The following PXDC1 variants were observed in gnomAD, a reference collection of about 807,000 sequenced individuals.
PXDC1 encodes the protein PX domain containing 1.
Under a neutral mutation model 24.4 loss-of-function variants are expected in PXDC1, and 13 were observed. The ratio of observed to expected loss-of-function variants is 0.53; its 90% CI spans 0.35 to 0.85. The LOEUF (loss-of-function observed/expected upper bound fraction) is 0.85, where lower values mean the gene tolerates loss of function less well. PXDC1 is among the 40% of genes least tolerant of loss of function. The probability of loss-of-function intolerance (pLI) is 0.01; values close to 1 mark genes in which losing one functional copy is unlikely to be tolerated. For missense variants in PXDC1, 344 were observed against 309.3 expected, an observed-to-expected ratio of 1.11 and a Z score of -0.84; for synonymous variants, 162 against 124.9, an observed-to-expected ratio of 1.30 and a Z score of -1.98.
chr6:3,751,603 C>G lies in PXDC1; in HGVS notation c.-72G>C. On this transcript the variant is annotated 5_prime_UTR_variant, in exon 1 of 5. Coordinates refer to ENST00000380283, the MANE Select transcript of PXDC1 (RefSeq NM_183373.4). ...CCGCCCGCAGGAGGCGCGCCCCGGCCGGGGTCGTCCCGGGTCTGTCCGTGG... is the reference window on the plus strand; with the variant it reads ...CCGCCCGCAGGAGGCGCGCCCCGGCGGGGGTCGTCCCGGGTCTGTCCGTGG... 2 of 1,420,498 alleles carry G rather than the reference C, an allele frequency of 1.4e-6. No homozygotes were observed. The highest frequency in any genetic ancestry group is 1.8e-6 in the Non-Finnish European group (2 of 1,093,440). 88.0% of individuals were successfully genotyped at this position (1,420,498 alleles called of 1,614,324 possible).
intron 3 of PXDC1, among the ~76,000 whole-genome samples, chr6:3,736,773 T>C (rs1760326227): frequency 6.6e-6 from 1 of 152,242 alleles, no homozygotes; most frequent in African/African-American, 2.4e-5. Flanking sequence ...GGCTGAACAG[T>C]GGATTCCAAT....
chr6:3,723,814 T>C, intron 4 of PXDC1, 78 bp from the exon 5 acceptor site: 1 of 1,065,802 alleles, frequency 9.4e-7, no homozygotes, highest in South Asian at 1.3e-5. Flanking sequence ...ACCATGAGCA[T>C]GACTTTCAAT....
intron 1 of PXDC1, among the ~76,000 whole-genome samples, chr6:3,738,585 C>T (rs1280867762): frequency 1.3e-5 from 2 of 152,194 alleles, no homozygotes; most frequent in Admixed American, 1.3e-4. Context: ...GCCACGGCTG[C>T]TCAGATCGCA....
chr6:3,744,288 T>C (rs1019028920), intron 1 of PXDC1, among the ~76,000 whole-genome samples: 1 of 152,178 alleles, frequency 6.6e-6, no homozygotes, highest in Admixed American at 6.5e-5. Context: ...AAAGCACCCA[T>C]GGCTCCTCCT....
At chr6:3,749,245 C>A (rs528510853) in intron 1 of PXDC1, among the ~76,000 whole-genome samples, 1 of 151,166 alleles carries the variant, frequency 6.6e-6, no homozygotes, top group East Asian at 2.0e-4. Context: ...GCAGCTCCAA[C>A]AGTTCCACGG....
In PXDC1 at chr6:3,723,073, G is replaced by T; in HGVS notation, c.*546C>A. On this transcript the variant is annotated 3_prime_UTR_variant, in exon 5 of 5. Coordinates refer to ENST00000380283, the MANE Select transcript of PXDC1 (RefSeq NM_183373.4). Reference sequence around the variant, plus strand: ...ACCCAAACCCAGTTTCCAGATAAAAGATAAAAAGAAAAAAAAAAAGGCCAC... The same window carrying T: ...ACCCAAACCCAGTTTCCAGATAAAATATAAAAAGAAAAAAAAAAAGGCCAC... 1 of 148,830 alleles carries T rather than the reference G, an allele frequency of 6.7e-6. No individual in the cohort carries two copies. The highest frequency in any genetic ancestry group is 1.5e-5 in the Non-Finnish European group (1 of 67,476). The allele number at this position is 148,830 out of a possible 1,614,324, so 9.2% of individuals were successfully genotyped here.
At position 3,728,776 on chromosome 6, in the gene PXDC1, G is replaced by A. The variant is rs756295178; in HGVS notation, c.467-1114C>T. Among the ~76,000 whole-genome samples, 43 of 152,260 alleles carry A rather than the reference G, an allele frequency of 2.8e-4. No homozygotes were observed. Among genetic ancestry groups the A allele is most frequent in the Non-Finnish European group, 5.0e-4 (34 of 68,018 alleles). On this transcript the variant is annotated intron_variant, in intron 3 of 4. Transcript: ENST00000380283. The surrounding 1 kb of genome is among the most constrained non-coding windows in gnomAD (Gnocchi z 4.0). ...CTAGGTATAAAAAGCTGCAGCGTTC[G>A]TTTGTATTTTCTGAGGGACCGCGTT...
intron 1 of PXDC1, chr6:3,739,071 T>G: frequency 8.5e-7 from 1 of 1,182,024 alleles, no homozygotes; most frequent in Non-Finnish European, 1.1e-6. Context: ...GTATTATTGG[T>G]CACGGAGACT....
rs1760356126 is a variant in PXDC1 at position 3,737,808 on chromosome 6, C to T, written c.348+249G>A. On this transcript the variant is annotated intron_variant, in intron 2 of 4. Transcript: ENST00000380283. The surrounding 1 kb of genome is among the most constrained non-coding windows in gnomAD (Gnocchi z 5.5). The stretch of plus-strand genomic sequence containing the variant: ...CTTCCACCCATGCCTCCTTGCATCC[C>T]TCATTTTCACTCTTTCCCCAGGGAG... 1 of 467,102 alleles carries T rather than the reference C, an allele frequency of 2.1e-6. No homozygotes were observed. Among genetic ancestry groups the T allele is most frequent in the Non-Finnish European group, 2.8e-6 (1 of 356,636 alleles). 28.9% of individuals were successfully genotyped at this position (467,102 alleles called of 1,614,324 possible). A position where few individuals can be genotyped will look rare whatever the true frequency, so the allele number is the denominator to read the frequency against.
At chr6:3,736,783 T>C (rs891184234) in intron 3 of PXDC1, among the ~76,000 whole-genome samples, 3 of 152,224 alleles carry the variant, frequency 2.0e-5, no homozygotes, top group African/African-American at 7.2e-5. Context: ...TGGATTCCAA[T>C]AGTTTGCTTC....
intron 1 of PXDC1, among the ~76,000 whole-genome samples, chr6:3,739,317 G>A (rs1263341610): frequency 6.6e-6 from 1 of 152,234 alleles, no homozygotes; most frequent in Non-Finnish European, 1.5e-5. Flanking sequence ...CCCCATAACG[G>A]GGGTCAGTGG....
At chr6:3,750,768 C>T (rs1760690117) in intron 1 of PXDC1, among the ~76,000 whole-genome samples, 1 of 152,158 alleles carries the variant, frequency 6.6e-6, no homozygotes, top group Admixed American at 6.5e-5. Flanking sequence ...CTGCGTGGCA[C>T]CTCGCGCTCG....
rs567137930 is a variant in PXDC1, at chr6:3,723,138, C to T, written c.*481G>A. On this transcript the variant is annotated 3_prime_UTR_variant, in exon 5 of 5. Transcript: ENST00000380283. ...AGAGAAATCCTGGATTACTAAACAT[C>T]CCCTGCCTGTGGCACCTGGAATGGG... 6.4e-6 allele frequency: 1 copy of T among 156,566 alleles called. No individual in the cohort carries two copies. The highest frequency in any genetic ancestry group is 1.4e-5 in the Non-Finnish European group (1 of 71,266). The allele number at this position is 156,566 out of a possible 1,614,324, so 9.7% of individuals were successfully genotyped here. A position where few individuals can be genotyped will look rare whatever the true frequency, so the allele number is the denominator to read the frequency against.
chr6:3,740,585 T>C (rs915077627), intron 1 of PXDC1, among the ~76,000 whole-genome samples: 1 of 152,194 alleles, frequency 6.6e-6, no homozygotes, highest in Non-Finnish European at 1.5e-5. Flanking sequence ...AGGATTTTAG[T>C]TGGGCGTGCA....
rs183542900 is a variant in PXDC1 at position 3,731,528 on chromosome 6, A to G, written c.467-3866T>C. On this transcript the variant is annotated intron_variant, in intron 3 of 4. Coordinates refer to ENST00000380283, the MANE Select transcript of PXDC1 (RefSeq NM_183373.4). Reference sequence around the variant, plus strand: ...ATTTTTTTACACTCATATTTTTCCAAATGAAAGCAGCCCTGCTCTTCCATG... The same window carrying G: ...ATTTTTTTACACTCATATTTTTCCAGATGAAAGCAGCCCTGCTCTTCCATG... Among the ~76,000 whole-genome samples the G allele has an allele frequency of 4.8e-3, 736 of 152,298 alleles. 1 individual carries two copies. The highest frequency in any genetic ancestry group is 8.0e-3 in the Non-Finnish European group (545 of 68,040).
chr6:3,751,448 G>A lies in PXDC1; in HGVS notation c.84C>T (p.Ile28=), dbSNP rs745332701. 28 of 1,599,914 alleles carry A rather than the reference G, an allele frequency of 1.8e-5. No individual in the cohort carries two copies. The East Asian group carries it at 2.7e-4, about 15-fold the overall frequency. The change falls in exon 1 of 5, where the codon ATC becomes ATT. Residue 28 remains isoleucine (I), a synonymous_variant. Transcript: ENST00000380283. ...GCWVNGIRRL[I]VSRRGDEEEF... is the part of the protein sequence containing the mutation. ...CCTCTTCGTCGCCGCGCCGGCTGAC[G>A]ATGAGCCTGCGGATGCCGTTCACCC...
chr6:3,724,456 C>T lies in PXDC1; in HGVS notation c.579-720G>A, dbSNP rs371225006. Among the ~76,000 whole-genome samples, 7 of 152,242 alleles carry T rather than the reference C, an allele frequency of 4.6e-5. No homozygotes were observed. Among genetic ancestry groups the T allele is most frequent in the South Asian group, 2.1e-4 (1 of 4,828 alleles). ...CTCTGCAGCCCAGGCAGACTTCCTA[C>T]GTTAAGAAAAGAGACTCCAGGTCTT... On this transcript the variant is annotated intron_variant, in intron 4 of 4. Coordinates refer to ENST00000380283, the MANE Select transcript of PXDC1 (RefSeq NM_183373.4). This position sits in a 1 kb window ranked among gnomAD's most constrained non-coding sequence, Gnocchi z 4.5.
At position 3,737,351 on chromosome 6, in the gene PXDC1, C is replaced by T. The variant is rs576335522; in HGVS notation, c.349-155G>A. Reference sequence around the variant, plus strand: ...ATGCTCCCATGGCTGGCCGCAGGGGCGGGGCTGCCATCACTGCACAGCCCT... The same window carrying T: ...ATGCTCCCATGGCTGGCCGCAGGGGTGGGGCTGCCATCACTGCACAGCCCT... On this transcript the variant is annotated intron_variant, in intron 2 of 4. Transcript: ENST00000380283. The surrounding 1 kb of genome is among the most constrained non-coding windows in gnomAD (Gnocchi z 5.5). Among the ~76,000 whole-genome samples the T allele has an allele frequency of 2.6e-4, 39 of 152,302 alleles. No individual in the cohort carries two copies. Among genetic ancestry groups the T allele is most frequent in the African/African-American group, 9.4e-4 (39 of 41,570 alleles).
chr6:3,729,450 A>C (rs1760148763), intron 3 of PXDC1, among the ~76,000 whole-genome samples: 1 of 152,156 alleles, frequency 6.6e-6, no homozygotes, highest in Non-Finnish European at 1.5e-5. Flanking sequence ...TGGGGACATC[A>C]GTCCTCAGCT....
Sources: allele counts gnomAD v4.1 joint callset (sites outside exome capture counted in the v4.1 genomes callset), GRCh38; gene constraint gnomAD v4.1.1; non-coding constraint Gnocchi (gnomAD v3.1); transcripts MANE v1.5; gene names NCBI Gene and HGNC (gene_info 2026-07-23, HGNC 2026-07-21).